The following SWAP70 variants were observed in gnomAD, a reference collection of about 807,000 sequenced individuals.
SWAP70 encodes switch-associated protein 70.
SWAP70 carries 34 observed loss-of-function variants against 80.2 expected under a neutral mutation model. That is an observed-to-expected ratio of 0.42 (90% CI 0.32 to 0.56). SWAP70 has a LOEUF of 0.56. SWAP70 is among the 20% of genes least tolerant of loss of function. The probability of loss-of-function intolerance (pLI) is 0.09; values close to 1 mark genes in which losing one functional copy is unlikely to be tolerated. For missense variants in SWAP70, 578 were observed against 690.7 expected (o/e 0.84, Z 1.83); for synonymous variants, 239 against 238.5 (o/e 1.00, Z -0.02).
chr11:9,704,018 T>C (rs577437711), intron 2 of SWAP70, among the ~76,000 whole-genome samples: 259 of 152,324 alleles, frequency 1.7e-3, no homozygotes, highest in African/African-American at 5.9e-3. Context: ...CATTGAGATA[T>C]AATTCACATA....
Position 9,713,496 on chromosome 11 carries a change from A to G in SWAP70, c.271A>G (p.Asn91Asp). 6.2e-7 allele frequency: 1 copy of G among 1,613,134 alleles called. No homozygotes were observed. Among genetic ancestry groups the G allele is most frequent in the Non-Finnish European group, 8.5e-7 (1 of 1,179,728 alleles). ...VQDNFDKIEF[N>D]RMCWTLCVKK... ...AGACAACTTTGACAAGATTGAATTC[A>G]ATAGGATGTGTTGGACCCTCTGTGT... Residue 91 changes from asparagine to aspartate, a missense_variant, in exon 3 of 12, where the codon AAT becomes GAT. Coordinates refer to ENST00000318950, the MANE Select transcript of SWAP70 (RefSeq NM_015055.4).
Position 9,740,318 on chromosome 11 carries a change from T to C in SWAP70, c.1326T>C (p.Asp442=), listed in dbSNP as rs768159143. 20 of 1,614,078 alleles carry C rather than the reference T, an allele frequency of 1.2e-5. No individual in the cohort carries two copies. Among genetic ancestry groups the C allele is most frequent in the Non-Finnish European group, 1.6e-5 (19 of 1,180,022 alleles). ...ALEDERQARQ[D]EETVRKLQAR... ...AAGATGAGAGACAGGCCCGGCAAGATGAAGAGACAGTGCGGAAGCTTCAGG... is the reference window on the plus strand; with the variant it reads ...AAGATGAGAGACAGGCCCGGCAAGACGAAGAGACAGTGCGGAAGCTTCAGG... The change falls in exon 9 of 12, where the codon GAT becomes GAC. Residue 442 remains aspartate (D), a synonymous_variant. Transcript: ENST00000318950.
At chr11:9,731,979 A>T (rs1851304256) in intron 6 of SWAP70, among the ~76,000 whole-genome samples, 1 of 152,236 alleles carries the variant, frequency 6.6e-6, no homozygotes, top group Non-Finnish European at 1.5e-5. Flanking sequence ...CATGTAAAGG[A>T]TGTATTTATT....
In SWAP70 at chr11:9,710,556, G is replaced by A. The variant is rs553282264; in HGVS notation, c.241-2910G>A. Among the ~76,000 whole-genome samples the A allele has an allele frequency of 1.4e-4, 22 of 152,086 alleles. No homozygotes were observed. The Middle Eastern group carries it at 0.01, about 71-fold the overall frequency. On this transcript the variant is annotated intron_variant, in intron 2 of 11. Transcript: ENST00000318950. Reference sequence around the variant, plus strand: ...GACTTTTTTCATATAGTGAAAAAATGGTTTGTTCATATCTTTCTAAAAAGA... The same window carrying A: ...GACTTTTTTCATATAGTGAAAAAATAGTTTGTTCATATCTTTCTAAAAAGA...
At chr11:9,713,873 A>G (rs543057450) in intron 3 of SWAP70, among the ~76,000 whole-genome samples, 1 of 152,204 alleles carries the variant, frequency 6.6e-6, no homozygotes, top group Admixed American at 6.5e-5. Flanking sequence ...AATGGCTATG[A>G]TGATAAGTGA....
intron 9 of SWAP70, among the ~76,000 whole-genome samples, chr11:9,743,552 C>G (rs1851470584): frequency 1.3e-5 from 2 of 151,580 alleles, no homozygotes; most frequent in African/African-American, 4.9e-5. Flanking sequence ...CACATCCTCT[C>G]TAGCACCTGT....
intron 1 of SWAP70, among the ~76,000 whole-genome samples, chr11:9,666,520 A>T (rs1850308889): frequency 6.6e-6 from 1 of 152,076 alleles, no homozygotes; most frequent in South Asian, 2.1e-4. Context: ...CTTTAAGGAG[A>T]ATGTAGAAAA....
chr11:9,679,415 C>G (rs1357013359), intron 1 of SWAP70, among the ~76,000 whole-genome samples: 1 of 152,176 alleles, frequency 6.6e-6, no homozygotes, highest in East Asian at 1.9e-4. Flanking sequence ...TCCATCAATT[C>G]TTTCAGTTCC....
intron 1 of SWAP70, chr11:9,680,973 G>T (rs1850559636): frequency 6.3e-6 from 1 of 157,636 alleles, no homozygotes. Context: ...TTGATCACCA[G>T]GGTTGATTTC....
rs1565109895 is a variant in SWAP70, at chr11:9,671,765, T to TTTCTATGTATACATAGA, written c.99+7487_99+7488insTTCTATGTATACATAGA. 1.9e-4 allele frequency among the ~76,000 whole-genome samples: 9 copies of TTTCTATGTATACATAGA among 47,958 alleles called. 2 individuals carry two copies. The highest frequency in any genetic ancestry group is 1.3e-3 in the South Asian group (1 of 750). 31.5% of individuals were successfully genotyped at this position (47,958 alleles called of 152,430 possible). On this transcript the variant is annotated intron_variant, in intron 1 of 11. Coordinates refer to ENST00000318950, the MANE Select transcript of SWAP70 (RefSeq NM_015055.4). Reference sequence around the variant, plus strand: ...ATAGAAATATAAATATATAAATATATAATATAAATATAATATATTATTATT... The same window carrying TTTCTATGTATACATAGA: ...ATAGAAATATAAATATATAAATATATTTCTATGTATACATAGAAATATAAATATAATATATTATTATT...
In SWAP70 at chr11:9,750,750, CCT is replaced by C. The variant is rs1434334586; in HGVS notation, c.*781_*782del. 1 of 152,264 alleles carries C rather than the reference CCT, an allele frequency of 6.6e-6. No individual in the cohort carries two copies. The highest frequency in any genetic ancestry group is 2.4e-5 in the African/African-American group (1 of 41,460). 9.4% of individuals were successfully genotyped at this position (152,264 alleles called of 1,614,324 possible). On this transcript the variant is annotated 3_prime_UTR_variant, in exon 12 of 12. Coordinates refer to ENST00000318950, the MANE Select transcript of SWAP70 (RefSeq NM_015055.4). ...AGATTGGCCGGTTCGCTTTCCATTTCCTGACACTTGACATGGAATGCCTTTGA... is the reference window on the plus strand; with the variant it reads ...AGATTGGCCGGTTCGCTTTCCATTTCGACACTTGACATGGAATGCCTTTGA...
chr11:9,671,429 TATAAATATATAA>T (rs1159187989), intron 1 of SWAP70, among the ~76,000 whole-genome samples: 1 of 102,788 alleles, frequency 9.7e-6, no homozygotes, highest in African/African-American at 3.9e-5. Context: ...TAAATATATA[TATAAATATATAA>T]AAATATATTT....
intron 2 of SWAP70, among the ~76,000 whole-genome samples, chr11:9,707,592 G>T: frequency 7.4e-6 from 1 of 134,584 alleles, no homozygotes; most frequent in East Asian, 2.1e-4. Flanking sequence ...GTCTCACCCT[G>T]TCGCTCAGGC....
intron 2 of SWAP70, among the ~76,000 whole-genome samples, chr11:9,699,802 G>A (rs919858552): frequency 4.0e-5 from 6 of 151,684 alleles, no homozygotes; most frequent in African/African-American, 1.2e-4. Flanking sequence ...GTTACAGTGA[G>A]CTATGATTGT....
chr11:9,671,883 TTTTAA>T (rs1334739271), intron 1 of SWAP70, among the ~76,000 whole-genome samples: 7 of 108,036 alleles, frequency 6.5e-5, no homozygotes, highest in South Asian at 3.0e-4. Flanking sequence ...TTAAATATAA[TTTTAA>T]TTTAATTTAA....
intron 3 of SWAP70, chr11:9,719,956 C>A: frequency 4.6e-6 from 2 of 434,380 alleles, no homozygotes; most frequent in Non-Finnish European, 3.1e-6. Flanking sequence ...AATTTTGGAA[C>A]TGAAGGCCTC....
Position 9,686,483 on chromosome 11 carries a change from C to T in SWAP70, c.100-7663C>T, listed in dbSNP as rs558042726. On this transcript the variant is annotated intron_variant, in intron 1 of 11. Transcript: ENST00000318950. ...TCATTTGATTCTCCTACCTTAGCCT[C>T]CCTAGTAGCTGGGACCACAGGCTCA... Among the ~76,000 whole-genome samples, 4 of 152,014 alleles carry T rather than the reference C, an allele frequency of 2.6e-5. No homozygotes were observed. In the East Asian group the frequency reaches 7.7e-4, roughly 29 times the overall value.
intron 1 of SWAP70, among the ~76,000 whole-genome samples, chr11:9,672,168 AATAT>A (rs1254780306): frequency 9.3e-6 from 1 of 107,660 alleles, no homozygotes; most frequent in African/African-American, 3.4e-5. Flanking sequence ...AATATATTTA[AATAT>A]ATATATACAT....
chr11:9,678,586 A>G (rs1358691028), intron 1 of SWAP70, among the ~76,000 whole-genome samples: 1 of 135,754 alleles, frequency 7.4e-6, no homozygotes, highest in Non-Finnish European at 1.5e-5. Context: ...TTCCATCTTA[A>G]TAGTACATTT....
Sources: allele counts gnomAD v4.1 joint callset (sites outside exome capture counted in the v4.1 genomes callset), GRCh38; gene constraint gnomAD v4.1.1; transcripts MANE v1.5; gene names NCBI Gene and HGNC (gene_info 2026-07-23, HGNC 2026-07-21).